Variants in ALS2 observed in about 807,000 individuals in gnomAD.
ALS2 encodes the protein alsin.
Under a neutral mutation model 203.4 loss-of-function variants are expected in ALS2, and 117 were observed. The ratio of observed to expected loss-of-function variants is 0.58; its 90% CI spans 0.50 to 0.67. The LOEUF (loss-of-function observed/expected upper bound fraction) is 0.67. ALS2 is among the 30% of genes least tolerant of loss of function. The probability of loss-of-function intolerance (pLI) is 0.00; values close to 1 mark genes in which losing one functional copy is unlikely to be tolerated. For missense variants in ALS2, 1,715 were observed against 1,989.4 expected, an observed-to-expected ratio of 0.86 and a Z score of 2.62; for synonymous variants, 718 against 725.9, an observed-to-expected ratio of 0.99 and a Z score of 0.17.
intron 4 of ALS2, chr2:201,759,450 CATTTA>C (rs1693624509): frequency 1.1e-6 from 1 of 934,292 alleles, no homozygotes; most frequent in Non-Finnish European, 1.3e-6. Flanking sequence ...TAGAAACACA[CATTTA>C]ATTTAAATAA....
chr2:201,759,678 C>A, intron 4 of ALS2: 1 of 984,702 alleles, frequency 1.0e-6, no homozygotes, highest in Non-Finnish European at 1.2e-6. Context: ...AATTCAAATA[C>A]CCACAAGTTT....
At chr2:201,769,031 G>C in intron 1 of ALS2, 86 bp from the exon 2 acceptor site, 1 of 627,622 alleles carries the variant, frequency 1.6e-6, no homozygotes, top group Non-Finnish European at 2.7e-6. Flanking sequence ...CCTCTAACAA[G>C]TGCACATTCA....
rs1475015638 is a variant in ALS2, at chr2:201,738,724, G to A, written c.2363C>T (p.Ser788Phe). The A allele has an allele frequency of 6.2e-7, 1 of 1,613,922 alleles. No homozygotes were observed. Among genetic ancestry groups the A allele is most frequent in the African/African-American group, 1.3e-5 (1 of 75,034 alleles). The change falls in exon 12 of 34, where the codon TCT (serine) becomes TTT (phenylalanine). Residue 788 changes from serine (S) to phenylalanine (F), a missense_variant. Around this residue, in one of 3 missense-constraint regions of ALS2, gnomAD observed 1,227 missense variants for 1,413.5 expected, o/e 0.87. Coordinates refer to ENST00000264276, the MANE Select transcript of ALS2 (RefSeq NM_020919.4). ...FLDSYTEYCT[S>F]ITNFLVMGGF... The stretch of plus-strand genomic sequence containing the variant: ...TCCCATAACCAGGAAATTTGTAATA[G>A]ATGTGCAATACCTTGAGCAGAAAAG...
chr2:201,766,649 C>CA (rs1485856033), intron 3 of ALS2, among the ~76,000 whole-genome samples: 4 of 146,334 alleles, frequency 2.7e-5, no homozygotes, highest in African/African-American at 7.5e-5. Context: ...AACTCAGTTT[C>CA]AAAAAAAATA....
Position 201,754,607 on chromosome 2 carries a change from T to C in ALS2, c.1536A>G (p.Thr512=), listed in dbSNP as rs767553658. The change falls in exon 6 of 34, where the codon ACA becomes ACG. Residue 512 remains threonine (T), a synonymous_variant. Transcript: ENST00000264276. ...VKTRTVVLTP[T]YSGEADALLP... The stretch of plus-strand genomic sequence containing the variant: ...GGAGCGCATCTGCTTCTCCACTGTA[T>C]GTGGGGGTCAGAACCACTGTCCTCG... 3.1e-6 allele frequency: 5 copies of C among 1,614,140 alleles called. No homozygotes were observed. The highest frequency in any genetic ancestry group is 1.7e-5 in the Admixed American group (1 of 60,022).
At chr2:201,726,023 T>C (rs1691140471) in intron 19 of ALS2, among the ~76,000 whole-genome samples, 1 of 152,246 alleles carries the variant, frequency 6.6e-6, no homozygotes, top group Non-Finnish European at 1.5e-5. Flanking sequence ...TAAACTTATT[T>C]TTAAAAAGTC....
chr2:201,752,970 C>T (rs907308339), intron 7 of ALS2, among the ~76,000 whole-genome samples, 176 bp downstream of exon 7: 1 of 152,192 alleles, frequency 6.6e-6, no homozygotes, highest in African/African-American at 2.4e-5. Context: ...ATTTCTCTTA[C>T]TCCACTTCCC....
chr2:201,720,071 T>C, intron 23 of ALS2: 1 of 391,740 alleles, frequency 2.6e-6, no homozygotes. Context: ...TCGCAAACTT[T>C]CAGAAAATAG....
In ALS2 at chr2:201,701,673, T is replaced by C; in HGVS notation, c.*178A>G. 1.6e-6 allele frequency: 1 copy of C among 641,206 alleles called. No homozygotes were observed. The highest frequency in any genetic ancestry group is 2.8e-6 in the Non-Finnish European group (1 of 358,420). 39.7% of individuals were successfully genotyped at this position (641,206 alleles called of 1,614,324 possible). ...CCCTTTCAATCCTCCCTTTAAACTA[T>C]ACAGTCCTTTTTTCTGGGCTCAGGG... On this transcript the variant is annotated 3_prime_UTR_variant, in exon 34 of 34. Coordinates refer to ENST00000264276, the MANE Select transcript of ALS2 (RefSeq NM_020919.4).
At chr2:201,715,179 C>T (rs1396202337) in intron 25 of ALS2, among the ~76,000 whole-genome samples, 1 of 152,118 alleles carries the variant, frequency 6.6e-6, no homozygotes, top group Non-Finnish European at 1.5e-5. Flanking sequence ...GTCCTGGAGG[C>T]TTGGGCATGA....
Position 201,744,274 on chromosome 2 carries a change from C to T in ALS2, c.2154G>A (p.Arg718=). The change falls in exon 10 of 34, where the codon AGG becomes AGA. Residue 718 remains arginine, a synonymous_variant. Coordinates refer to ENST00000264276, the MANE Select transcript of ALS2 (RefSeq NM_020919.4). ...GCAACTTACCTAAACTGAGAAGAGG[C>T]CTGAGAATCTGAGATTTGATATCAC... is the stretch of plus-strand genomic sequence containing the variant. The part of the protein sequence containing the change: ...KLSDIKSQIL[R]PLLSLENLGT... 1 of 1,613,984 alleles carries T rather than the reference C, an allele frequency of 6.2e-7. No individual in the cohort carries two copies. Among genetic ancestry groups the T allele is most frequent in the Non-Finnish European group, 8.5e-7 (1 of 1,179,966 alleles).
At chr2:201,742,919 A>C (rs1231164553) in intron 10 of ALS2, among the ~76,000 whole-genome samples, 1 of 151,992 alleles carries the variant, frequency 6.6e-6, no homozygotes, top group Non-Finnish European at 1.5e-5. Flanking sequence ...TAAAAATACA[A>C]AAATTAGCAG....
At chr2:201,760,371 A>C in intron 4 of ALS2, 2 of 986,990 alleles carry the variant, frequency 2.0e-6, no homozygotes, top group Non-Finnish European at 2.4e-6. Context: ...CCCAGTAAGG[A>C]CCACAGCTAT....
chr2:201,769,750 G>A (rs1401451574), intron 1 of ALS2, among the ~76,000 whole-genome samples: 1 of 152,144 alleles, frequency 6.6e-6, no homozygotes, highest in Non-Finnish European at 1.5e-5. Context: ...AAAGCAGTTA[G>A]GTCTTATTTG....
intron 13 of ALS2, among the ~76,000 whole-genome samples, chr2:201,730,325 T>C (rs75290829): frequency 0.086 from 13,019 of 152,126 alleles, 620 homozygotes; most frequent in Middle Eastern, 0.12. Flanking sequence ...AAAATATCGG[T>C]TGACTGAATT....
rs1689400714 is a variant in ALS2, at chr2:201,701,659, C to T, written c.*192G>A. 8.7e-6 allele frequency: 5 copies of T among 577,722 alleles called. No individual in the cohort carries two copies. Among genetic ancestry groups the T allele is most frequent in the South Asian group, 7.1e-5 (3 of 42,396 alleles). The allele number at this position is 577,722 out of a possible 1,614,324, so 35.8% of individuals were successfully genotyped here. A position where few individuals can be genotyped will look rare whatever the true frequency, so the allele number is the denominator to read the frequency against. ...CTGATTTTTTACCTCCCTTTCAATC[C>T]TCCCTTTAAACTATACAGTCCTTTT... On this transcript the variant is annotated 3_prime_UTR_variant, in exon 34 of 34. Transcript: ENST00000264276.
At chr2:201,725,265 T>C (rs1163721480) in intron 20 of ALS2, 91 bp downstream of exon 20, 3 of 1,063,314 alleles carry the variant, frequency 2.8e-6, no homozygotes, top group Non-Finnish European at 4.4e-6. Flanking sequence ...TAAACAAAAC[T>C]TAAAACTTGG....
At chr2:201,760,772 T>A (rs1377822429) in intron 4 of ALS2, 109 bp downstream of exon 4, 1 of 1,458,396 alleles carries the variant, frequency 6.9e-7, no homozygotes, top group Non-Finnish European at 9.1e-7. Context: ...ATAATCAAAC[T>A]CAAAAAATAA....
intron 3 of ALS2, chr2:201,765,362 C>T (rs989403567): frequency 2.1e-4 from 34 of 159,646 alleles, no homozygotes; most frequent in African/African-American, 7.5e-4. Context: ...TTCCAAATAT[C>T]TTATTGAAAA....
Sources: gnomAD v4.1 joint callset for allele counts (sites outside exome capture counted in the v4.1 genomes callset) on GRCh38, gnomAD v4.1.1 for gene constraint, gnomAD v4.1.1 regional missense constraint, MANE v1.5 for transcripts, NCBI Gene and HGNC (gene_info 2026-07-23, HGNC 2026-07-21) for gene names.